Variants in ZBTB20 observed in about 807,000 individuals in gnomAD.
The protein encoded by ZBTB20 is zinc finger and BTB domain containing 20.
A neutral mutation model predicts 56.9 loss-of-function variants in ZBTB20; 9 were observed. The ratio of observed to expected loss-of-function variants is 0.16; its 90% CI spans 0.10 to 0.28. The LOEUF is 0.28. Among genes scored for constraint, ZBTB20 ranks in the 10% least tolerant of loss-of-function variants. The probability of loss-of-function intolerance (pLI) is 1.00; values close to 1 mark genes in which losing one functional copy is unlikely to be tolerated. For missense variants in ZBTB20, 655 were observed against 1,003.0 expected (o/e 0.65, Z 4.69); for synonymous variants, 417 against 420.7 (o/e 0.99, Z 0.11).
chr3:115,018,779 T>C (rs1343856484), intron 2 of ZBTB20, among the ~76,000 whole-genome samples: 1 of 151,426 alleles, frequency 6.6e-6, no homozygotes, highest in Non-Finnish European at 1.5e-5. Context: ...TAAAGTAAAA[T>C]GAAAAGACAC....
intron 5 of ZBTB20, among the ~76,000 whole-genome samples, chr3:114,772,970 G>A (rs553277554): frequency 6.6e-6 from 1 of 152,312 alleles, no homozygotes; most frequent in African/African-American, 2.4e-5. Flanking sequence ...TGGAAAAGAG[G>A]TGTGGTAGAA....
chr3:114,941,145 G>T (rs369955573), intron 3 of ZBTB20, among the ~76,000 whole-genome samples: 1 of 146,558 alleles, frequency 6.8e-6, no homozygotes, highest in East Asian at 1.9e-4. Flanking sequence ...TCATGCATCT[G>T]TGCAGGGCTA....
chr3:114,917,970 C>T (rs370520986), intron 3 of ZBTB20, among the ~76,000 whole-genome samples: 29 of 152,142 alleles, frequency 1.9e-4, no homozygotes, highest in African/African-American at 3.9e-4. Flanking sequence ...TTCATGGCAC[C>T]GAATGCCCCC....
chr3:115,042,586 C>T (rs1296840209), intron 2 of ZBTB20, among the ~76,000 whole-genome samples: 1 of 151,998 alleles, frequency 6.6e-6, no homozygotes, highest in East Asian at 1.9e-4. Context: ...ATTCTCTTAC[C>T]CCACCCTTTT....
intron 7 of ZBTB20, among the ~76,000 whole-genome samples, chr3:114,391,547 T>C (rs1286125324): frequency 1.3e-5 from 2 of 152,256 alleles, no homozygotes; most frequent in African/African-American, 4.8e-5. Flanking sequence ...CCAATTAGAA[T>C]GGTTATTTGT....
intron 2 of ZBTB20, among the ~76,000 whole-genome samples, chr3:115,032,817 G>T (rs964384369): frequency 7.9e-5 from 12 of 151,050 alleles, no homozygotes; most frequent in African/African-American, 2.9e-4. Flanking sequence ...ACCCAGAGAT[G>T]AATGAAAAAG....
intron 6 of ZBTB20, among the ~76,000 whole-genome samples, chr3:114,647,440 A>ATT (rs929626066): frequency 2.0e-5 from 3 of 152,204 alleles, no homozygotes; most frequent in Non-Finnish European, 2.9e-5. Flanking sequence ...AACCAAAAAT[A>ATT]TGAAGCCATG....
At chr3:114,564,121 ATC>A (rs140370618) in intron 6 of ZBTB20, among the ~76,000 whole-genome samples, 40 of 149,596 alleles carry the variant, frequency 2.7e-4, no homozygotes, top group South Asian at 2.1e-4. Context: ...GCATCTTTCA[ATC>A]TCTCTCTCTC....
chr3:114,628,978 A>T (rs1026307558), intron 6 of ZBTB20, among the ~76,000 whole-genome samples: 2 of 152,184 alleles, frequency 1.3e-5, no homozygotes, highest in East Asian at 3.9e-4. Context: ...TGTGCTATAC[A>T]TTCTAGGGAT....
intron 5 of ZBTB20, among the ~76,000 whole-genome samples, chr3:114,733,609 CTA>C (rs1216554235): frequency 6.6e-6 from 1 of 152,192 alleles, no homozygotes; most frequent in Non-Finnish European, 1.5e-5. Flanking sequence ...TTTTCTACCT[CTA>C]TGCCCTCTCA....
chr3:114,857,966 C>T (rs775469872), intron 4 of ZBTB20, among the ~76,000 whole-genome samples: 7 of 152,050 alleles, frequency 4.6e-5, no homozygotes, highest in Admixed American at 1.3e-4. Flanking sequence ...AATTAGAAGA[C>T]GATTAATGGA....
chr3:114,363,172 A>T (rs2108347191), intron 10 of ZBTB20, among the ~76,000 whole-genome samples: 1 of 152,348 alleles, frequency 6.6e-6, no homozygotes, highest in South Asian at 2.1e-4. Context: ...TTTATAACCA[A>T]GAGTAACTTA....
At chr3:115,068,658 C>T (rs1477915129) in intron 2 of ZBTB20, among the ~76,000 whole-genome samples, 1 of 151,958 alleles carries the variant, frequency 6.6e-6, no homozygotes, top group Non-Finnish European at 1.5e-5. Flanking sequence ...ATCTGAAGAA[C>T]AAATAGACCT....
At chr3:114,807,026 T>C (rs1400498207) in intron 4 of ZBTB20, among the ~76,000 whole-genome samples, 2 of 152,058 alleles carry the variant, frequency 1.3e-5, no homozygotes, top group Non-Finnish European at 2.9e-5. Context: ...AATTGTACGT[T>C]ATCTAATTTT....
Position 114,330,800 on chromosome 3 carries a change from G to T in ZBTB20, c.*8205C>A, listed in dbSNP as rs1028465591. The T allele has an allele frequency of 6.6e-6, 1 of 152,092 alleles. No homozygotes were observed. Among genetic ancestry groups the T allele is most frequent in the Non-Finnish European group, 1.5e-5 (1 of 68,044 alleles). The allele number at this position is 152,092 out of a possible 1,614,324, so 9.4% of individuals were successfully genotyped here. A position where few individuals can be genotyped will look rare whatever the true frequency, so the allele number is the denominator to read the frequency against. Reference sequence around the variant, plus strand: ...AAACCATCTAGTAAAAGAAGGGCATGGGAGTGAGAAAACTGAATCCTGAAT... The same window carrying T: ...AAACCATCTAGTAAAAGAAGGGCATTGGAGTGAGAAAACTGAATCCTGAAT... On this transcript the variant is annotated 3_prime_UTR_variant, in exon 12 of 12. Transcript: ENST00000675478.
At chr3:114,584,294 A>AT (rs2054952332) in intron 6 of ZBTB20, among the ~76,000 whole-genome samples, 1 of 152,068 alleles carries the variant, frequency 6.6e-6, no homozygotes, top group African/African-American at 2.4e-5. Context: ...AAAGATTTTT[A>AT]TTTTTTTCTA....
At chr3:114,816,222 A>G (rs1344713687) in intron 4 of ZBTB20, among the ~76,000 whole-genome samples, 1 of 152,210 alleles carries the variant, frequency 6.6e-6, no homozygotes, top group Non-Finnish European at 1.5e-5. Context: ...CAATACATCA[A>G]TATGTTTCAT....
At chr3:115,080,072 C>T (rs572531650) in intron 1 of ZBTB20, among the ~76,000 whole-genome samples, 3 of 152,294 alleles carry the variant, frequency 2.0e-5, no homozygotes, top group African/African-American at 7.2e-5. Context: ...TGTAATGCCA[C>T]TAGCAGATGG....
At chr3:114,598,969 C>CG (rs35145720) in intron 6 of ZBTB20, among the ~76,000 whole-genome samples, 2,471 of 151,596 alleles carry the variant, frequency 0.016, 67 homozygotes, top group African/African-American at 0.055. Flanking sequence ...ATTCCCTTAA[C>CG]GGGGGGGGAC....
Sources: gnomAD v4.1 joint callset for allele counts (sites outside exome capture counted in the v4.1 genomes callset) on GRCh38, gnomAD v4.1.1 for gene constraint, MANE v1.5 for transcripts, NCBI Gene and HGNC (gene_info 2026-07-23, HGNC 2026-07-21) for gene names.